IL1RAPL1: variants seen among roughly 807,000 people sequenced by gnomAD.
IL1RAPL1 encodes the protein interleukin-1 receptor accessory protein-like 1.
Under a neutral mutation model 48.4 loss-of-function variants are expected in IL1RAPL1, and 3 were observed. That is an observed-to-expected ratio of 0.06 (90% CI 0.03 to 0.16). The LOEUF is 0.16. Ranked by LOEUF, IL1RAPL1 falls within the 10% of genes least tolerant of loss-of-function variation. The probability of loss-of-function intolerance (pLI) is 1.00; values close to 1 mark genes in which losing one functional copy is unlikely to be tolerated. For missense variants in IL1RAPL1, 349 were observed against 530.6 expected (o/e 0.66, Z 3.36); for synonymous variants, 185 against 187.7 (o/e 0.99, Z 0.12).
At chrX:29,125,984 G>C (rs1425710114) in intron 2 of IL1RAPL1, among the ~76,000 whole-genome samples, 8 of 109,361 alleles carry the variant, frequency 7.3e-5, no homozygotes, top group Non-Finnish European at 1.3e-4. Flanking sequence ...TACATCATCT[G>C]TACCATGCGG....
chrX:28,838,482 G>A (rs973674019), intron 2 of IL1RAPL1, among the ~76,000 whole-genome samples: 2 of 111,020 alleles, frequency 1.8e-5, no homozygotes, highest in Non-Finnish European at 3.8e-5. Context: ...AAACAAAGAT[G>A]CAGAAAAGAG....
intron 2 of IL1RAPL1, among the ~76,000 whole-genome samples, chrX:28,882,519 T>C (rs1199052002): frequency 9.0e-6 from 1 of 111,496 alleles, no homozygotes; most frequent in Non-Finnish European, 1.9e-5. Flanking sequence ...GGTGCACACC[T>C]GTAATCCCAG....
chrX:28,745,361 G>A (rs1444581486), intron 1 of IL1RAPL1, among the ~76,000 whole-genome samples: 2 of 111,497 alleles, frequency 1.8e-5, no homozygotes, highest in Non-Finnish European at 3.8e-5. Context: ...TAAGAATGTG[G>A]GATAGAGAAG....
At chrX:29,175,120 T>C (rs1929989098) in intron 2 of IL1RAPL1, among the ~76,000 whole-genome samples, 1 of 105,092 alleles carries the variant, frequency 9.5e-6, no homozygotes, top group Non-Finnish European at 2.0e-5. Flanking sequence ...AAAGAAAGGA[T>C]CCAGGAGTCT....
At chrX:29,020,471 C>T (rs767469580) in intron 2 of IL1RAPL1, among the ~76,000 whole-genome samples, 1 of 112,657 alleles carries the variant, frequency 8.9e-6, no homozygotes, top group South Asian at 3.7e-4. Flanking sequence ...AATAGGCTAT[C>T]TCACAGAGCC....
rs184720927 is a variant in IL1RAPL1, at chrX:28,911,352, A to G, written c.82+121927A>G. Among the ~76,000 whole-genome samples, 351 of 111,387 alleles carry G rather than the reference A, an allele frequency of 3.2e-3. 2 individuals are homozygous for G. Among genetic ancestry groups the G allele is most frequent in the Non-Finnish European group, 5.3e-3 (283 of 52,911 alleles). Reference sequence around the variant, plus strand: ...TGTTCAAAGTGAAAAGAAAATATACACAAACTTTGGGTGGAGAATAATACA... The same window carrying G: ...TGTTCAAAGTGAAAAGAAAATATACGCAAACTTTGGGTGGAGAATAATACA... On this transcript the variant is annotated intron_variant, in intron 2 of 10. Coordinates refer to ENST00000378993, the MANE Select transcript of IL1RAPL1 (RefSeq NM_014271.4).
intron 8 of IL1RAPL1, 123 bp downstream of exon 8, chrX:29,920,217 C>T (rs1026232210): frequency 2.3e-6 from 2 of 881,207 alleles, no homozygotes; most frequent in Admixed American, 5.1e-5. Flanking sequence ...ATAAAATAAT[C>T]ATATTTGCAT....
At chrX:28,966,734 A>G (rs1278890340) in intron 2 of IL1RAPL1, among the ~76,000 whole-genome samples, 1 of 112,133 alleles carries the variant, frequency 8.9e-6, no homozygotes, top group African/African-American at 3.2e-5. Context: ...TCATCATCTA[A>G]ATTTTAATGT....
intron 2 of IL1RAPL1, among the ~76,000 whole-genome samples, chrX:29,270,553 C>A (rs1932025508): frequency 9.0e-6 from 1 of 111,695 alleles, no homozygotes; most frequent in African/African-American, 3.2e-5. Context: ...ACTGAATTGC[C>A]TTTTTGCTTT....
chrX:29,841,763 T>G (rs2147193816), intron 6 of IL1RAPL1, among the ~76,000 whole-genome samples: 1 of 111,601 alleles, frequency 9.0e-6, no homozygotes, highest in East Asian at 2.8e-4. Flanking sequence ...TGGCTTCACA[T>G]AGAAGGAGCT....
Position 29,547,016 on chromosome X carries a change from G to A in IL1RAPL1, c.704-121414G>A, listed in dbSNP as rs73219665. The stretch of plus-strand genomic sequence containing the variant: ...TTGGCTTTGGGCTTTAAAGACATGT[G>A]GTCTGCTATATTTTTGGCTGACAGC... On this transcript the variant is annotated intron_variant, in intron 5 of 10. Transcript: ENST00000378993. Among the ~76,000 whole-genome samples the A allele has an allele frequency of 2.6e-3, 294 of 111,371 alleles. 1 individual carries two copies. Among genetic ancestry groups the A allele is most frequent in the Non-Finnish European group, 3.7e-3 (196 of 53,071 alleles).
chrX:28,913,226 T>C (rs1468424339), intron 2 of IL1RAPL1, among the ~76,000 whole-genome samples: 2 of 111,853 alleles, frequency 1.8e-5, no homozygotes, highest in African/African-American at 6.5e-5. Flanking sequence ...AGATAATTAT[T>C]TCACATTAGA....
At chrX:28,675,751 A>C (rs1416142535) in intron 1 of IL1RAPL1, among the ~76,000 whole-genome samples, 1 of 111,839 alleles carries the variant, frequency 8.9e-6, no homozygotes, top group Non-Finnish European at 1.9e-5. Context: ...AGAAGTATAA[A>C]GGAGACCTGC....
At position 29,541,374 on chromosome X, in the gene IL1RAPL1, G is replaced by T. The variant is rs769872249; in HGVS notation, c.704-127056G>T. On this transcript the variant is annotated intron_variant, in intron 5 of 10. Transcript: ENST00000378993. Reference sequence around the variant, plus strand: ...AACCACTGGGCAAAGTGCTTTGACGGTTTCTCAAAGAACTTAAAATGGAAC... The same window carrying T: ...AACCACTGGGCAAAGTGCTTTGACGTTTTCTCAAAGAACTTAAAATGGAAC... Among the ~76,000 whole-genome samples, 3 of 111,519 alleles carry T rather than the reference G, an allele frequency of 2.7e-5. No homozygotes were observed. The South Asian group carries it at 1.1e-3, about 42-fold the overall frequency.
intron 6 of IL1RAPL1, among the ~76,000 whole-genome samples, chrX:29,867,889 C>T (rs188716232): frequency 2.7e-5 from 3 of 111,973 alleles, no homozygotes; most frequent in African/African-American, 6.5e-5. Context: ...CAATTCAGAA[C>T]GTGGAGATTT....
intron 6 of IL1RAPL1, among the ~76,000 whole-genome samples, chrX:29,910,466 T>C: frequency 8.9e-6 from 1 of 112,014 alleles, no homozygotes; most frequent in East Asian, 2.8e-4. Flanking sequence ...ATATTCTTGT[T>C]TAACATATGT....
chrX:28,878,213 C>T (rs1263386764), intron 2 of IL1RAPL1, among the ~76,000 whole-genome samples: 1 of 111,783 alleles, frequency 8.9e-6, no homozygotes, highest in African/African-American at 3.3e-5. Context: ...TTTATCTCAA[C>T]CCTAGGTGGT....
intron 2 of IL1RAPL1, among the ~76,000 whole-genome samples, chrX:29,030,857 A>T (rs991052981): frequency 1.8e-5 from 2 of 111,923 alleles, no homozygotes; most frequent in African/African-American, 6.5e-5. Flanking sequence ...AAAGAGAATG[A>T]AAGTGGGATT....
intron 2 of IL1RAPL1, among the ~76,000 whole-genome samples, chrX:29,093,142 C>T (rs1928127404): frequency 9.0e-6 from 1 of 111,692 alleles, no homozygotes; most frequent in Non-Finnish European, 1.9e-5. Flanking sequence ...AGGCTTTTCT[C>T]ATATTGCTAT....
Sources: allele counts gnomAD v4.1 joint callset (sites outside exome capture counted in the v4.1 genomes callset), GRCh38; gene constraint gnomAD v4.1.1; transcripts MANE v1.5; gene names NCBI Gene and HGNC (gene_info 2026-07-23, HGNC 2026-07-21).